Variants in GPR155 observed in about 807,000 individuals in gnomAD.
GPR155 encodes the protein G protein-coupled receptor 155.
Under a neutral mutation model 93.1 loss-of-function variants are expected in GPR155, and 65 were observed. The ratio of observed to expected loss-of-function variants is 0.70; its 90% confidence interval spans 0.57 to 0.86. GPR155 has a LOEUF of 0.86. GPR155 is among the 40% of genes least tolerant of loss of function. GPR155 has a pLI of 0.00. For synonymous variants in GPR155, 319 were observed against 360.1 expected (o/e 0.89, Z 1.29); for missense variants, 838 against 1,034.8 (o/e 0.81, Z 2.61).
At chr2:174,469,765 TAA>T (rs1203651058) in intron 4 of GPR155, among the ~76,000 whole-genome samples, 2 of 152,160 alleles carry the variant, frequency 1.3e-5, no homozygotes, top group African/African-American at 4.8e-5. Context: ...AAAAACTGAT[TAA>T]AAAAAGTCAG....
chr2:174,443,080 C>T (rs1687015140), intron 13 of GPR155, among the ~76,000 whole-genome samples: 1 of 152,168 alleles, frequency 6.6e-6, no homozygotes, highest in South Asian at 2.1e-4. Flanking sequence ...ATGCAAAATG[C>T]TAAGTCAGAC....
rs183192600 is a variant in GPR155 at position 174,450,837 on chromosome 2, A to G, written c.1876+2900T>C. ...TTAGAAAAGGCCATGTATACCCATTAAACATGGTCTAGCACAATTGCTGAT... is the reference window on the plus strand; with the variant it reads ...TTAGAAAAGGCCATGTATACCCATTGAACATGGTCTAGCACAATTGCTGAT... On this transcript the variant is annotated intron_variant, in intron 11 of 15. Transcript: ENST00000392552. 9.0e-4 allele frequency among the ~76,000 whole-genome samples: 137 copies of G among 152,328 alleles called. 1 individual carries two copies. The highest frequency in any genetic ancestry group is 3.1e-3 in the African/African-American group (128 of 41,578).
intron 12 of GPR155, 115 bp downstream of exon 12, chr2:174,446,496 C>G: frequency 1.2e-6 from 1 of 862,562 alleles, no homozygotes; most frequent in Non-Finnish European, 1.8e-6. Flanking sequence ...ATTCAGGTGA[C>G]CTAGCTACCA....
chr2:174,469,043 T>A lies in GPR155; in HGVS notation c.1051A>T (p.Thr351Ser), dbSNP rs751195617. The change falls in exon 5 of 16, where the codon ACA becomes TCA. Residue 351 changes from threonine to serine, a missense_variant. Coordinates refer to ENST00000392552, the MANE Select transcript of GPR155 (RefSeq NM_152529.7). The stretch of plus-strand genomic sequence containing the variant: ...TACATGATGGGAGCAGACACAAATG[T>A]GCTTATCACCATCCCTGAGGTTATC... Reference protein sequence around the residue: ...EIITSGMVISTFVSAPIMYVS... With the variant: ...EIITSGMVISSFVSAPIMYVS... The A allele has an allele frequency of 1.9e-6, 3 of 1,613,964 alleles. No individual in the cohort carries two copies. The highest frequency in any genetic ancestry group is 2.5e-6 in the Non-Finnish European group (3 of 1,179,958).
chr2:174,472,666 T>C (rs1039339711), intron 3 of GPR155, among the ~76,000 whole-genome samples: 7 of 152,164 alleles, frequency 4.6e-5, no homozygotes, highest in Non-Finnish European at 8.8e-5. Flanking sequence ...TGCTGCAAAA[T>C]TTATTTGAAA....
intron 11 of GPR155, among the ~76,000 whole-genome samples, chr2:174,451,800 T>G (rs1030987844): frequency 2.0e-5 from 3 of 152,078 alleles, no homozygotes; most frequent in Non-Finnish European, 4.4e-5. Context: ...CATGAGCCAC[T>G]GCATTCAGCT....
In GPR155 at chr2:174,473,273, C is replaced by A. The variant is rs1289825574; in HGVS notation, c.552G>T (p.Gly184=). 2 of 1,611,408 alleles carry A rather than the reference C, an allele frequency of 1.2e-6. No homozygotes were observed. Among genetic ancestry groups the A allele is most frequent in the East Asian group, 2.2e-5 (1 of 44,846 alleles). Residue 184 remains glycine, a synonymous_variant, in exon 3 of 16, where the codon GGG becomes GGT. Coordinates refer to ENST00000392552, the MANE Select transcript of GPR155 (RefSeq NM_152529.7). ...PISLMMLNPI[G]FIFCEIQKWK... is the part of the protein sequence containing the mutation. ...ACTTTTGGATTTCACAGAAAATAAA[C>A]CCTATAGGGTTTAACATCATAAGAG...
At chr2:174,436,742 G>A (rs958133164) in intron 15 of GPR155, among the ~76,000 whole-genome samples, 19 of 152,142 alleles carry the variant, frequency 1.2e-4, no homozygotes, top group African/African-American at 4.1e-4. Context: ...TCCTGTAATA[G>A]CTGAATATGA....
intron 10 of GPR155, among the ~76,000 whole-genome samples, chr2:174,454,625 A>AGAAG (rs750579777): frequency 2.2e-4 from 31 of 142,060 alleles, no homozygotes; most frequent in South Asian, 1.0e-3. Flanking sequence ...GCCTGGGGAA[A>AGAAG]GAAGGAAGGA....
intron 10 of GPR155, among the ~76,000 whole-genome samples, chr2:174,455,762 T>C (rs1169267719): frequency 1.3e-5 from 2 of 152,176 alleles, no homozygotes. Context: ...AAAAGAAAGA[T>C]AATTGTTTGT....
intron 13 of GPR155, among the ~76,000 whole-genome samples, chr2:174,442,726 T>C (rs1687003268): frequency 2.6e-5 from 4 of 152,188 alleles, no homozygotes; most frequent in Admixed American, 2.0e-4. Context: ...TTTTGAGAGA[T>C]AGGAAGTTGG....
intron 2 of GPR155, 133 bp from the exon 3 acceptor site, chr2:174,473,497 G>A: frequency 3.5e-6 from 2 of 567,752 alleles, no homozygotes; most frequent in Non-Finnish European, 6.1e-6. Context: ...AGCCTATTTT[G>A]GAAAAGTACA....
rs1348473547 is a variant in GPR155 at position 174,453,720 on chromosome 2, A to T, written c.1876+17T>A. ...TTCTGTCCCTTAATCCCATCCTCAT[A>T]GTCCAGAGGCACTTACTTTTCTCAA... On this transcript the variant is annotated intron_variant, in intron 11 of 15. Transcript: ENST00000392552. 7 of 1,328,624 alleles carry T rather than the reference A, an allele frequency of 5.3e-6. No individual in the cohort carries two copies. Among genetic ancestry groups the T allele is most frequent in the African/African-American group, 2.9e-5 (2 of 69,738 alleles). 82.3% of individuals were successfully genotyped at this position (1,328,624 alleles called of 1,614,324 possible).
rs756589877 is a variant in GPR155 at position 174,465,866 on chromosome 2, C to A, written c.1303G>T (p.Val435Phe). ...TGTCCAACAAAATTTTTTTCTTTAA[C>A]AAAATTCCATATCATCATTCCAGCA... ...VCAGMMIWNF[V>F]KEKNFVGQIL... The change falls in exon 7 of 16, where the codon GTT (valine) becomes TTT (phenylalanine). Residue 435 changes from valine (V) to phenylalanine (F), a missense_variant. Val to Phe is a conservative substitution (Grantham distance 50). Transcript: ENST00000392552. 6.3e-7 allele frequency: 1 copy of A among 1,598,936 alleles called. No individual in the cohort carries two copies. Among genetic ancestry groups the A allele is most frequent in the African/African-American group, 1.3e-5 (1 of 74,600 alleles).
At chr2:174,438,230 T>C (rs1357155850) in intron 15 of GPR155, among the ~76,000 whole-genome samples, 1 of 152,024 alleles carries the variant, frequency 6.6e-6, no homozygotes, top group African/African-American at 2.4e-5. Flanking sequence ...AGTAAGACTC[T>C]GTCTCAAAGA....
chr2:174,483,158 C>G (rs188900287), intron 1 of GPR155: 1 of 152,012 alleles, frequency 6.6e-6, no homozygotes, highest in Non-Finnish European at 1.5e-5. Flanking sequence ...TAGGACAGTA[C>G]CTGGCATACA....
At chr2:174,446,561 C>T in intron 12 of GPR155, 50 bp downstream of exon 12, 1 of 1,572,246 alleles carries the variant, frequency 6.4e-7, no homozygotes. Context: ...AAAACCTTTG[C>T]CAAAAATTTA....
intron 2 of GPR155, among the ~76,000 whole-genome samples, chr2:174,478,299 C>T (rs988905983): frequency 3.3e-5 from 5 of 152,148 alleles, no homozygotes; most frequent in African/African-American, 1.2e-4. Context: ...TAGCCATCTG[C>T]GGCCTTGAAC....
At chr2:174,464,858 G>C (rs1397825890) in intron 7 of GPR155, among the ~76,000 whole-genome samples, 2 of 151,904 alleles carry the variant, frequency 1.3e-5, no homozygotes, top group Admixed American at 6.6e-5. Context: ...CCACATTGTT[G>C]CTTCACTTCA....
Sources: gnomAD v4.1 joint callset for allele counts (sites outside exome capture counted in the v4.1 genomes callset) on GRCh38, gnomAD v4.1.1 for gene constraint, MANE v1.5 for transcripts, NCBI Gene and HGNC (gene_info 2026-07-23, HGNC 2026-07-21) for gene names.